The following COLEC12 variants were observed in gnomAD, a reference collection of about 807,000 sequenced individuals.
The protein encoded by COLEC12 is collectin subfamily member 12.
In COLEC12, 33 loss-of-function variants were observed where a neutral mutation model predicts 71.1. That is an observed-to-expected ratio of 0.46 (90% confidence interval 0.35 to 0.62). The LOEUF (loss-of-function observed/expected upper bound fraction) is 0.62. COLEC12 is among the 20% of genes least tolerant of loss of function. The pLI, the probability that COLEC12 is intolerant of heterozygous loss-of-function variation, is 0.00. For synonymous variants in COLEC12, 350 were observed against 353.0 expected (o/e 0.99, Z 0.10); for missense variants, 765 against 916.1 (o/e 0.84, Z 2.13).
intron 2 of COLEC12, among the ~76,000 whole-genome samples, chr18:357,879 G>A (rs995298384): frequency 6.6e-6 from 1 of 152,224 alleles, no homozygotes; most frequent in East Asian, 1.9e-4. Context: ...CCATGGACTG[G>A]TACCAGTCTG....
intron 2 of COLEC12, among the ~76,000 whole-genome samples, chr18:420,043 C>T (rs569426852): frequency 2.0e-5 from 3 of 152,174 alleles, no homozygotes; most frequent in South Asian, 2.1e-4. Flanking sequence ...AGTGCCAGGC[C>T]GCCCCCAGCA....
At chr18:404,746 T>C (rs941041419) in intron 2 of COLEC12, among the ~76,000 whole-genome samples, 58 of 152,326 alleles carry the variant, frequency 3.8e-4, no homozygotes, top group African/African-American at 1.4e-3. Context: ...CTGTGATAAT[T>C]GTGTTAACTG....
intron 2 of COLEC12, among the ~76,000 whole-genome samples, chr18:369,396 T>A (rs1389988456): frequency 8.4e-5 from 12 of 143,288 alleles, no homozygotes; most frequent in Middle Eastern, 6.9e-3. Context: ...TTTTTTTTTT[T>A]ATTTTTTTTT....
chr18:335,074 T>A lies in COLEC12; in HGVS notation c.1484A>T (p.Glu495Val). 6.2e-7 allele frequency: 1 copy of A among 1,610,126 alleles called. No homozygotes were observed. Among genetic ancestry groups the A allele is most frequent in the Non-Finnish European group, 8.5e-7 (1 of 1,178,718 alleles). Residue 495 changes from glutamate (E) to valine (V), a missense_variant, in exon 6 of 10, where the codon GAG becomes GTG. By Grantham distance (121) the Glu-to-Val change is moderately radical. Transcript: ENST00000400256. ...GPIGPAGPPG[E>V]RGGKGSKGSQ... is the part of the protein sequence containing the mutation. The stretch of plus-strand genomic sequence containing the variant: ...GCCTTTAGATCCTTTGCCGCCACGC[T>A]CTCCGGGGGGACCAGCTGGTCCAAT...
At chr18:421,433 C>A (rs1421401246) in intron 2 of COLEC12, among the ~76,000 whole-genome samples, 1 of 152,004 alleles carries the variant, frequency 6.6e-6, no homozygotes, top group African/African-American at 2.4e-5. Flanking sequence ...GTTTTTCATC[C>A]CTTTACAGAT....
chr18:450,526 G>A (rs1275950168), intron 2 of COLEC12, among the ~76,000 whole-genome samples: 1 of 152,164 alleles, frequency 6.6e-6, no homozygotes, highest in African/African-American at 2.4e-5. Context: ...TAAGTTTCCT[G>A]AGACTTCCCT....
At chr18:325,421 A>T (rs1026877753) in intron 8 of COLEC12, among the ~76,000 whole-genome samples, 1 of 151,872 alleles carries the variant, frequency 6.6e-6, no homozygotes, top group Non-Finnish European at 1.5e-5. Flanking sequence ...ATCTCTGGTG[A>T]TCTAAGGTGG....
At chr18:390,734 T>C (rs1915446051) in intron 2 of COLEC12, among the ~76,000 whole-genome samples, 1 of 151,942 alleles carries the variant, frequency 6.6e-6, no homozygotes, top group African/African-American at 2.4e-5. Flanking sequence ...CACTCCAGCC[T>C]GGGCCACAAA....
chr18:346,065 C>T lies in COLEC12; in HGVS notation c.1327+230G>A, dbSNP rs1914363355. Among the ~76,000 whole-genome samples the T allele has an allele frequency of 6.6e-6, 1 of 152,152 alleles. No homozygotes were observed. The highest frequency in any genetic ancestry group is 6.5e-5 in the Admixed American group (1 of 15,274). ...TGAACAGGCCACTTAAGTAGCAGAC[C>T]CTCCAGCCACAGTCAAGCCTTCAGA... On this transcript the variant is annotated intron_variant, in intron 5 of 9. Transcript: ENST00000400256. This position sits in a 1 kb window ranked among gnomAD's most constrained non-coding sequence, Gnocchi z 4.0.
intron 2 of COLEC12, among the ~76,000 whole-genome samples, chr18:449,696 G>A (rs1042151352): frequency 1.3e-5 from 2 of 152,310 alleles, no homozygotes; most frequent in African/African-American, 4.8e-5. Flanking sequence ...CACACAGTCC[G>A]GGCGGAGTCT....
chr18:440,481 T>C (rs757283031), intron 2 of COLEC12, among the ~76,000 whole-genome samples: 4 of 152,108 alleles, frequency 2.6e-5, no homozygotes, highest in Admixed American at 6.5e-5. Context: ...AATCAGCACA[T>C]TGTATACTTT....
chr18:414,008 G>T lies in COLEC12; in HGVS notation c.59-56486C>A, dbSNP rs183577056. ...GCCAGTGATGAAGAAGTAGGTGGAGGAAAGGGGAAGAAAATATGTGGAATC... is the reference window on the plus strand; with the variant it reads ...GCCAGTGATGAAGAAGTAGGTGGAGTAAAGGGGAAGAAAATATGTGGAATC... On this transcript the variant is annotated intron_variant, in intron 2 of 9. Coordinates refer to ENST00000400256, the MANE Select transcript of COLEC12 (RefSeq NM_130386.3). Among the ~76,000 whole-genome samples the T allele has an allele frequency of 1.6e-3, 251 of 152,298 alleles. 2 individuals carry two copies. The highest frequency in any genetic ancestry group is 5.6e-3 in the African/African-American group (232 of 41,546).
Position 336,823 on chromosome 18 carries a change from A to G in COLEC12, c.1328-1593T>C, listed in dbSNP as rs573713223. ...TCTGCATGAATAAGTAAAAGGCCACACTTAATCTCTCTCTCTCTTTTTTTA... is the reference window on the plus strand; with the variant it reads ...TCTGCATGAATAAGTAAAAGGCCACGCTTAATCTCTCTCTCTCTTTTTTTA... On this transcript the variant is annotated intron_variant, in intron 5 of 9. Coordinates refer to ENST00000400256, the MANE Select transcript of COLEC12 (RefSeq NM_130386.3). Among the ~76,000 whole-genome samples, 140 of 152,142 alleles carry G rather than the reference A, an allele frequency of 9.2e-4. 1 individual carries two copies. The highest frequency in any genetic ancestry group is 3.2e-3 in the African/African-American group (132 of 41,510).
chr18:361,636 A>G (rs914206115), intron 2 of COLEC12, among the ~76,000 whole-genome samples: 1 of 152,124 alleles, frequency 6.6e-6, no homozygotes, highest in African/African-American at 2.4e-5. Flanking sequence ...ATGAAAAAAG[A>G]CTCTTTACAT....
chr18:492,886 C>T (rs1348813134), intron 1 of COLEC12, among the ~76,000 whole-genome samples: 1 of 152,152 alleles, frequency 6.6e-6, no homozygotes, highest in Non-Finnish European at 1.5e-5. Context: ...TTTCCTCTCA[C>T]CTCCCACACT....
chr18:485,850 A>T (rs1409338162), intron 1 of COLEC12, among the ~76,000 whole-genome samples: 1 of 152,222 alleles, frequency 6.6e-6, no homozygotes, highest in Non-Finnish European at 1.5e-5. Flanking sequence ...TATCAGTGTG[A>T]CAGCACTTAA....
chr18:374,101 C>T (rs1448772972), intron 2 of COLEC12, among the ~76,000 whole-genome samples: 2 of 152,052 alleles, frequency 1.3e-5, no homozygotes, highest in Admixed American at 1.3e-4. Context: ...AGGCAGCGAG[C>T]GGCATATGAG....
In COLEC12 at chr18:374,687, C is replaced by A. The variant is rs148023914; in HGVS notation, c.59-17165G>T. Among the ~76,000 whole-genome samples the A allele has an allele frequency of 6.9e-4, 105 of 152,294 alleles. 2 individuals carry two copies. The highest frequency in any genetic ancestry group is 3.1e-3 in the East Asian group (16 of 5,184). On this transcript the variant is annotated intron_variant, in intron 2 of 9. Coordinates refer to ENST00000400256, the MANE Select transcript of COLEC12 (RefSeq NM_130386.3). ...GGCTTCATAGTCTCCACTGAGGGGG[C>A]AATTCTGTTTATAAACATTTCCCTC...
At chr18:420,468 T>A (rs114354447) in intron 2 of COLEC12, among the ~76,000 whole-genome samples, 1 of 152,132 alleles carries the variant, frequency 6.6e-6, no homozygotes, top group Non-Finnish European at 1.5e-5. Context: ...TATATGTAGA[T>A]TAAATGCCTT....
Sources: allele counts gnomAD v4.1 joint callset (sites outside exome capture counted in the v4.1 genomes callset), GRCh38; gene constraint gnomAD v4.1.1; non-coding constraint Gnocchi (gnomAD v3.1); transcripts MANE v1.5; gene names NCBI Gene and HGNC (gene_info 2026-07-23, HGNC 2026-07-21).